WWOX: variants seen among roughly 807,000 people sequenced by gnomAD.
WWOX encodes WW domain-containing oxidoreductase.
WWOX carries 69 observed loss-of-function variants against 46.2 expected under a neutral mutation model. That is an observed-to-expected ratio of 1.49 (90% CI 1.23 to 1.82). WWOX has a LOEUF of 1.82. Among genes scored for constraint, WWOX ranks in the 40% most tolerant of loss-of-function variants. WWOX has a pLI of 0.00. For synonymous variants in WWOX, 359 were observed against 202.6 expected (o/e 1.77, Z -6.56); for missense variants, 919 against 542.6 (o/e 1.69, Z -6.89).
intron 8 of WWOX, among the ~76,000 whole-genome samples, chr16:78,647,705 G>A (rs1401485682): frequency 6.6e-6 from 1 of 152,184 alleles, no homozygotes; most frequent in Non-Finnish European, 1.5e-5. Context: ...TCTGCAGGGT[G>A]ACTCAGAAGC....
At chr16:78,377,174 A>G (rs537691876) in intron 5 of WWOX, among the ~76,000 whole-genome samples, 5 of 152,324 alleles carry the variant, frequency 3.3e-5, no homozygotes, top group Admixed American at 2.6e-4. Flanking sequence ...TGAGAATGTA[A>G]TTATGCAGTA....
At position 78,415,059 on chromosome 16, in the gene WWOX, G is replaced by A. The variant is rs189434167; in HGVS notation, c.606-9811G>A. Among the ~76,000 whole-genome samples the A allele has an allele frequency of 3.3e-3, 488 of 148,484 alleles. 2 individuals are homozygous for A. Among genetic ancestry groups the A allele is most frequent in the African/African-American group, 0.012 (474 of 40,862 alleles). On this transcript the variant is annotated intron_variant, in intron 6 of 8. Transcript: ENST00000566780. Reference sequence around the variant, plus strand: ...GATATTTATAGTTAATTATTGATTAGCTATAATATATTTTAATATAATATA... The same window carrying A: ...GATATTTATAGTTAATTATTGATTAACTATAATATATTTTAATATAATATA...
intron 8 of WWOX, among the ~76,000 whole-genome samples, chr16:78,623,678 T>C (rs1377008095): frequency 2.6e-5 from 4 of 151,572 alleles, no homozygotes; most frequent in East Asian, 1.9e-4. Context: ...CATGATGTTA[T>C]TAGCTGAGTC....
intron 8 of WWOX, among the ~76,000 whole-genome samples, chr16:78,578,406 C>T (rs1468976923): frequency 6.7e-6 from 1 of 148,400 alleles, no homozygotes. Flanking sequence ...TCTCCTGCCT[C>T]AGCCTCCTGA....
intron 8 of WWOX, among the ~76,000 whole-genome samples, chr16:78,794,896 G>C (rs2737300): frequency 1.3e-5 from 2 of 152,168 alleles, no homozygotes; most frequent in Non-Finnish European, 2.9e-5. Context: ...GAAATGACTT[G>C]CCTTTTGTAT....
In WWOX at chr16:78,634,837, A is replaced by AGAGAGAGAGAGTGT. The variant is rs1346762709; in HGVS notation, c.1056+202086_1056+202087insAGAGAGAGAGTGTG. Among the ~76,000 whole-genome samples, 35 of 111,784 alleles carry AGAGAGAGAGAGTGT rather than the reference A, an allele frequency of 3.1e-4. 1 individual carries two copies. The highest frequency in any genetic ancestry group is 6.0e-4 in the Non-Finnish European group (32 of 52,946). 73.3% of individuals were successfully genotyped at this position (111,784 alleles called of 152,430 possible). A position where few individuals can be genotyped will look rare whatever the true frequency, so the allele number is the denominator to read the frequency against. On this transcript the variant is annotated intron_variant, in intron 8 of 8. Transcript: ENST00000566780. ...GAGAGAGAGAGAGAGAGAGAGAGAG[A>AGAGAGAGAGAGTGT]GTGTGTGTGTGTGTGTGTGTGTGTG... is the stretch of plus-strand genomic sequence containing the variant.
At chr16:78,568,681 G>C (rs1302468726) in intron 8 of WWOX, among the ~76,000 whole-genome samples, 3 of 151,944 alleles carry the variant, frequency 2.0e-5, no homozygotes, top group Admixed American at 6.6e-5. Context: ...CGCCATGTTG[G>C]CCAGGCTGGT....
chr16:78,337,524 G>T (rs998989590), intron 5 of WWOX, among the ~76,000 whole-genome samples: 2 of 152,150 alleles, frequency 1.3e-5, no homozygotes, highest in Admixed American at 1.3e-4. Flanking sequence ...GCTGCTGCTT[G>T]TGTTGTACAT....
chr16:78,595,663 G>C (rs1244830493), intron 8 of WWOX, among the ~76,000 whole-genome samples: 7 of 152,190 alleles, frequency 4.6e-5, no homozygotes, highest in Admixed American at 4.6e-4. Context: ...GCCATACTCA[G>C]AGTGGCCCTA....
At position 79,075,928 on chromosome 16, in the gene WWOX, G is replaced by T. The variant is rs180683254; in HGVS notation, c.1057-135680G>T. Among the ~76,000 whole-genome samples, 212 of 152,286 alleles carry T rather than the reference G, an allele frequency of 1.4e-3. 1 individual carries two copies. The highest frequency in any genetic ancestry group is 4.9e-3 in the African/African-American group (205 of 41,546). ...ACTGTAAAGGGCAGACTTAAATTTA[G>T]TTAACATCTGCTCTAACGTTGGATC... is the stretch of plus-strand genomic sequence containing the variant. On this transcript the variant is annotated intron_variant, in intron 8 of 8. Coordinates refer to ENST00000566780, the MANE Select transcript of WWOX (RefSeq NM_016373.4).
chr16:78,410,225 G>T (rs935248753), intron 6 of WWOX, among the ~76,000 whole-genome samples: 1 of 152,196 alleles, frequency 6.6e-6, no homozygotes, highest in African/African-American at 2.4e-5. Flanking sequence ...TTCTTGTAGA[G>T]TCTGCAGAAT....
intron 8 of WWOX, among the ~76,000 whole-genome samples, chr16:78,694,253 G>A (rs937083455): frequency 6.6e-6 from 1 of 152,130 alleles, no homozygotes; most frequent in African/African-American, 2.4e-5. Context: ...AAATGGTACA[G>A]TCAGAGGTTA....
At chr16:78,906,695 C>T (rs1340854542) in intron 8 of WWOX, among the ~76,000 whole-genome samples, 1 of 152,162 alleles carries the variant, frequency 6.6e-6, no homozygotes, top group East Asian at 1.9e-4. Flanking sequence ...TGGGAAGGAC[C>T]TTATCCTGTC....
chr16:78,953,606 A>T (rs888437791), intron 8 of WWOX, among the ~76,000 whole-genome samples: 1 of 152,260 alleles, frequency 6.6e-6, no homozygotes. Flanking sequence ...TGTTGCCTCA[A>T]TGCCCAGCTC....
chr16:78,965,922 G>A (rs780423729), intron 8 of WWOX, among the ~76,000 whole-genome samples: 20 of 152,314 alleles, frequency 1.3e-4, no homozygotes, highest in Non-Finnish European at 2.2e-4. Flanking sequence ...CGAAATGGGT[G>A]ATCTAATTTG....
chr16:79,018,977 C>T (rs1179222891), intron 8 of WWOX, among the ~76,000 whole-genome samples: 1 of 151,306 alleles, frequency 6.6e-6, no homozygotes, highest in Non-Finnish European at 1.5e-5. Context: ...ATGGCAAAAC[C>T]CCATCTCTAC....
intron 8 of WWOX, among the ~76,000 whole-genome samples, chr16:78,687,856 A>G (rs1188954090): frequency 6.6e-6 from 1 of 152,188 alleles, no homozygotes; most frequent in Non-Finnish European, 1.5e-5. Context: ...AAATTCATGC[A>G]TTAGAACAGA....
intron 8 of WWOX, among the ~76,000 whole-genome samples, chr16:79,164,558 G>A (rs1014237240): frequency 2.6e-5 from 4 of 152,132 alleles, no homozygotes; most frequent in African/African-American, 9.7e-5. Flanking sequence ...AGTGACAGGC[G>A]TCCAGAGCAA....
At chr16:79,161,548 G>T (rs1206991374) in intron 8 of WWOX, among the ~76,000 whole-genome samples, 2 of 152,034 alleles carry the variant, frequency 1.3e-5, no homozygotes, top group Non-Finnish European at 2.9e-5. Flanking sequence ...TTCAGGACAG[G>T]GTCTTGTTCC....
Sources: allele counts gnomAD v4.1 joint callset (sites outside exome capture counted in the v4.1 genomes callset), GRCh38; gene constraint gnomAD v4.1.1; transcripts MANE v1.5; gene names NCBI Gene and HGNC (gene_info 2026-07-23, HGNC 2026-07-21).